Variants in MYH14 observed in about 807,000 individuals in gnomAD.
MYH14 encodes the protein myosin heavy chain 14.
In MYH14, 123 loss-of-function variants were observed where a neutral mutation model predicts 255.5. The ratio of observed to expected loss-of-function variants is 0.48; its 90% CI spans 0.42 to 0.56. The LOEUF is 0.56. MYH14 is among the 20% of genes least tolerant of loss of function. The pLI is 0.00. For missense variants in MYH14, 2,423 were observed against 2,802.3 expected (o/e 0.86, Z 3.06); for synonymous variants, 1,095 against 1,161.2 (o/e 0.94, Z 1.16).
chr19:50,231,904 C>A (rs772526980), intron 9 of MYH14, 26 bp from the exon 10 acceptor site: 1 of 1,613,458 alleles, frequency 6.2e-7, no homozygotes, highest in East Asian at 2.2e-5. Context: ...CACCTTTGAC[C>A]TTGACCCCAC....
intron 39 of MYH14, among the ~76,000 whole-genome samples, chr19:50,299,199 CGTAA>C (rs1568554233): frequency 1.3e-5 from 2 of 152,130 alleles, no homozygotes; most frequent in African/African-American, 4.8e-5. Context: ...TGAATTAGAC[CGTAA>C]GTGTGTGATC....
At chr19:50,272,773 G>T (rs1219158845) in intron 27 of MYH14, 42 bp downstream of exon 27, 1 of 1,539,714 alleles carries the variant, frequency 6.5e-7, no homozygotes, top group East Asian at 2.5e-5. Context: ...CAGCATGGGT[G>T]CACGGCCAGC....
intron 1 of MYH14, among the ~76,000 whole-genome samples, chr19:50,204,512 G>A (rs1244173693): frequency 1.3e-5 from 2 of 152,174 alleles, no homozygotes; most frequent in Non-Finnish European, 2.9e-5. Flanking sequence ...TACGCTGTGT[G>A]ATCTTGAGTG....
chr19:50,229,129 G>C (rs555014112), intron 8 of MYH14, among the ~76,000 whole-genome samples: 1 of 152,268 alleles, frequency 6.6e-6, no homozygotes, highest in South Asian at 2.1e-4. Context: ...GGGTTCGACA[G>C]CCTGCGTGTG....
In MYH14 at chr19:50,281,813, C is replaced by T. The variant is rs765023094; in HGVS notation, c.4510C>T (p.Leu1504=). The T allele has an allele frequency of 2.7e-5, 44 of 1,612,436 alleles. No individual in the cohort carries two copies. Among genetic ancestry groups the T allele is most frequent in the South Asian group, 1.1e-4 (10 of 91,030 alleles). The part of the protein sequence containing the change: ...LEQQRQLVST[L]EKKQRKFDQL... ...GCAGCAGCGGCAGCTTGTGAGCACC[C>T]TGGAGAAGAAGCAGCGCAAGTTTGA... The change falls in exon 33 of 43, where the codon CTG becomes TTG. Residue 1504 remains leucine, a synonymous_variant. Coordinates refer to ENST00000642316, the MANE Select transcript of MYH14 (RefSeq NM_001145809.2).
rs1331824080 is a variant in MYH14 at position 50,280,035 on chromosome 19, A to G, written c.4033-2A>G. ...GGCTTCATTCCCGTCCCTTCCCTGC[A>G]GGCTGAACTGGAGAATGTGTCTGGG... On this transcript the variant is annotated splice_acceptor_variant, in intron 30 of 42. Coordinates refer to ENST00000642316, the MANE Select transcript of MYH14 (RefSeq NM_001145809.2). LOFTEE classifies it high-confidence loss of function. The surrounding 1 kb of genome is among the most constrained non-coding windows in gnomAD (Gnocchi z 4.8). 1.2e-6 allele frequency: 2 copies of G among 1,604,906 alleles called. No individual in the cohort carries two copies. Among genetic ancestry groups the G allele is most frequent in the Non-Finnish European group, 1.7e-6 (2 of 1,175,656 alleles).
rs1430087179 is a variant in MYH14 at position 50,255,205 on chromosome 19, G to C, written c.1946-15G>C. ...CTCCCCTCCACCCACCCACACATCT[G>C]TCCTCACTCCCCAGAACATGGGGGC... On this transcript the variant is annotated splice_polypyrimidine_tract_variant and intron_variant, in intron 16 of 42. Coordinates refer to ENST00000642316, the MANE Select transcript of MYH14 (RefSeq NM_001145809.2). The C allele has an allele frequency of 1.3e-6, 2 of 1,532,366 alleles. No homozygotes were observed. Among genetic ancestry groups the C allele is most frequent in the South Asian group, 1.2e-5 (1 of 83,644 alleles). 94.9% of individuals were successfully genotyped at this position (1,532,366 alleles called of 1,614,324 possible).
rs989832412 is a variant in MYH14 at position 50,230,013 on chromosome 19, C to T, written c.875-512C>T. ...CACTGCAACCTCCTCCTCCCGGGTT[C>T]AAGCGATTCTCCTGCCTCAGCCTCC... On this transcript the variant is annotated intron_variant, in intron 8 of 42. Transcript: ENST00000642316. The surrounding 1 kb of genome is among the most constrained non-coding windows in gnomAD (Gnocchi z 4.7). Among the ~76,000 whole-genome samples the T allele has an allele frequency of 6.6e-6, 1 of 152,156 alleles. No individual in the cohort carries two copies. The highest frequency in any genetic ancestry group is 1.5e-5 in the Non-Finnish European group (1 of 68,024).
intron 39 of MYH14, among the ~76,000 whole-genome samples, chr19:50,299,113 A>G (rs1456719604): frequency 6.6e-6 from 1 of 152,104 alleles, no homozygotes; most frequent in African/African-American, 2.4e-5. Flanking sequence ...CAAAAAAGAA[A>G]GAAAGAAAGA....
Position 50,255,305 on chromosome 19 carries a change from T to G in MYH14, c.2031T>G (p.Ile677Met). ...PGSAERCSSAISPPGVEGIVG... is the reference protein window; with the variant it reads ...PGSAERCSSAMSPPGVEGIVG... The stretch of plus-strand genomic sequence containing the variant: ...CTGCAGAGAGGTGCAGCTCTGCTAT[T>G]TCTCCGCCAGGGGGTGGGTGTCTCT... The change falls in exon 17 of 43, where the codon ATT becomes ATG. Residue 677 changes from isoleucine (I) to methionine (M), a missense_variant. By Grantham distance (10) the Ile-to-Met change is conservative. Transcript: ENST00000642316. 6.4e-7 allele frequency: 1 copy of G among 1,551,140 alleles called. No homozygotes were observed. Among genetic ancestry groups the G allele is most frequent in the Non-Finnish European group, 8.7e-7 (1 of 1,146,892 alleles).
intron 17 of MYH14, 30 bp downstream of exon 17, chr19:50,255,348 G>A: frequency 1.3e-6 from 2 of 1,513,130 alleles, no homozygotes; most frequent in Non-Finnish European, 9.0e-7. Flanking sequence ...GATGGGTGAG[G>A]CTTGCTGGAG....
intron 13 of MYH14, chr19:50,249,376 CCTCT>C: frequency 3.2e-6 from 2 of 618,662 alleles, no homozygotes; most frequent in Non-Finnish European, 5.5e-6. Flanking sequence ...TCTCTGTCCC[CCTCT>C]CTCTCTGGGT....
rs374847843 is a variant in MYH14 at position 50,216,918 on chromosome 19, C to A, written c.406-697C>A. Among the ~76,000 whole-genome samples, 43 of 148,578 alleles carry A rather than the reference C, an allele frequency of 2.9e-4. 1 individual carries two copies. The East Asian group carries it at 8.3e-3, about 29-fold the overall frequency. On this transcript the variant is annotated intron_variant, in intron 2 of 42. Transcript: ENST00000642316. ...CGCCTGCCAGGTTCAAACAATTCTT[C>A]TGCCTCAGCCTCCCAAGTAGCTGGG...
chr19:50,219,787 T>A, intron 3 of MYH14, among the ~76,000 whole-genome samples: 1 of 150,974 alleles, frequency 6.6e-6, no homozygotes, highest in South Asian at 2.1e-4. Context: ...ATGATTAACA[T>A]CTATTATAGA....
rs1156477694 is a variant in MYH14, at chr19:50,276,399, A to G, written c.3680+196A>G. On this transcript the variant is annotated intron_variant, in intron 28 of 42. Coordinates refer to ENST00000642316, the MANE Select transcript of MYH14 (RefSeq NM_001145809.2). The surrounding 1 kb of genome is among the most constrained non-coding windows in gnomAD (Gnocchi z 4.3). ...CCAGGTGTTACCCTTGGGAACTTCC[A>G]GTCTCAGGGGAGGCAGATTCAGGCA... 2.0e-5 allele frequency among the ~76,000 whole-genome samples: 3 copies of G among 152,188 alleles called. No homozygotes were observed. Among genetic ancestry groups the G allele is most frequent in the East Asian group, 3.9e-4 (2 of 5,190 alleles).
intron 1 of MYH14, among the ~76,000 whole-genome samples, chr19:50,208,060 C>T (rs2031914140): frequency 6.6e-6 from 1 of 152,224 alleles, no homozygotes; most frequent in South Asian, 2.1e-4. Flanking sequence ...ACTTCAACAT[C>T]CTCAACCCTA....
rs1421333652 is a variant in MYH14, at chr19:50,266,994, G to C, written c.2812G>C (p.Gly938Arg). 3 of 1,566,658 alleles carry C rather than the reference G, an allele frequency of 1.9e-6. No individual in the cohort carries two copies. Among genetic ancestry groups the C allele is most frequent in the African/African-American group, 1.3e-5 (1 of 74,264 alleles). Residue 938 changes from glycine (G) to arginine (R), a missense_variant, in exon 23 of 43, where the codon GGC becomes CGC. Physicochemically the swap from Gly to Arg is moderately radical, Grantham distance 125 (BLOSUM62 -2). Around this residue, in one of 3 missense-constraint regions of MYH14, gnomAD observed 1,513 missense variants for 1,674.8 expected, o/e 0.90. Transcript: ENST00000642316. This position sits in a 1 kb window ranked among gnomAD's most constrained non-coding sequence, Gnocchi z 4.1. ...QSAREVGELQ[G>R]RVAQLEEERA... ...CGCCCGCGAAGTTGGGGAGCTCCAG[G>C]GCCGAGTGGCACAGGTGAGGGGGCG...
chr19:50,278,180 G>A lies in MYH14; in HGVS notation c.3923G>A (p.Gly1308Asp). Residue 1308 changes from glycine (G) to aspartate (D), a missense_variant, in exon 30 of 43, where the codon GGT becomes GAT. Gly to Asp is a moderately conservative substitution (Grantham distance 94). Coordinates refer to ENST00000642316, the MANE Select transcript of MYH14 (RefSeq NM_001145809.2). ...AGCCTGCAGACTGCACGTCAGGAGG[G>A]TGAGCAGCGGAGGCGCCGCCTGGAG... is the stretch of plus-strand genomic sequence containing the variant. ...LSSLQTARQE[G>D]EQRRRRLELQ... is the part of the protein sequence containing the mutation. 3 of 1,612,682 alleles carry A rather than the reference G, an allele frequency of 1.9e-6. No individual in the cohort carries two copies. Among genetic ancestry groups the A allele is most frequent in the Non-Finnish European group, 2.5e-6 (3 of 1,179,382 alleles).
chr19:50,209,614 C>T (rs1271007537), intron 1 of MYH14, among the ~76,000 whole-genome samples: 1 of 151,210 alleles, frequency 6.6e-6, no homozygotes, highest in Non-Finnish European at 1.5e-5. Flanking sequence ...GAAACGCTGT[C>T]TCTACTAAAA....
Sources: gnomAD v4.1 joint callset for allele counts (sites outside exome capture counted in the v4.1 genomes callset) on GRCh38, gnomAD v4.1.1 for gene constraint, gnomAD v4.1.1 regional missense constraint, Gnocchi (gnomAD v3.1) non-coding constraint, MANE v1.5 for transcripts, NCBI Gene and HGNC (gene_info 2026-07-23, HGNC 2026-07-21) for gene names.